Variants in PRLR observed in about 807,000 individuals in gnomAD.
The protein encoded by PRLR is prolactin receptor, also known as hPRL receptor.
In PRLR, 13 loss-of-function variants were observed where a neutral mutation model predicts 40.2. The observed-to-expected ratio is 0.32, with a 90% CI of 0.21 to 0.51. The LOEUF (loss-of-function observed/expected upper bound fraction) is 0.51. PRLR is among the 20% of genes least tolerant of loss of function. The probability of loss-of-function intolerance (pLI) is 0.97; values close to 1 mark genes in which losing one functional copy is unlikely to be tolerated. For missense variants in PRLR, 656 were observed against 747.3 expected, an observed-to-expected ratio of 0.88 and a Z score of 1.42; for synonymous variants, 269 against 278.7, an observed-to-expected ratio of 0.97 and a Z score of 0.35.
intron 1 of PRLR, among the ~76,000 whole-genome samples, chr5:35,147,445 C>G (rs557990911): frequency 1.7e-4 from 26 of 152,174 alleles, no homozygotes; most frequent in Non-Finnish European, 3.2e-4. Flanking sequence ...ACTGCATATT[C>G]ATTTCATTCA....
intron 1 of PRLR, among the ~76,000 whole-genome samples, chr5:35,218,335 T>C (rs961618791): frequency 2.6e-5 from 4 of 152,196 alleles, no homozygotes; most frequent in Non-Finnish European, 4.4e-5. Flanking sequence ...AATGAACGCA[T>C]GTTAATCTCT....
chr5:35,122,616 C>A (rs999147669), intron 1 of PRLR, among the ~76,000 whole-genome samples: 1 of 152,108 alleles, frequency 6.6e-6, no homozygotes, highest in Admixed American at 6.5e-5. Context: ...AGTCTTTAGT[C>A]CTGACAAATT....
intron 9 of PRLR, among the ~76,000 whole-genome samples, chr5:35,066,444 T>G (rs1769373675): frequency 6.6e-6 from 1 of 152,194 alleles, no homozygotes; most frequent in African/African-American, 2.4e-5. Flanking sequence ...CATCTGACAC[T>G]GCGGCCCACT....
intron 1 of PRLR, among the ~76,000 whole-genome samples, chr5:35,161,280 T>G (rs1774666108): frequency 6.6e-6 from 1 of 152,172 alleles, no homozygotes; most frequent in East Asian, 1.9e-4. Flanking sequence ...GGTCCTTACT[T>G]CCCTCCTGTA....
At chr5:35,162,223 A>G (rs1212266213) in intron 1 of PRLR, among the ~76,000 whole-genome samples, 1 of 152,220 alleles carries the variant, frequency 6.6e-6, no homozygotes, top group Non-Finnish European at 1.5e-5. Flanking sequence ...AGTGTGGCAC[A>G]CAAGAAAATC....
At chr5:35,175,296 C>T (rs913895597) in intron 1 of PRLR, among the ~76,000 whole-genome samples, 1 of 152,194 alleles carries the variant, frequency 6.6e-6, no homozygotes, top group Non-Finnish European at 1.5e-5. Flanking sequence ...TTTCCCTGCA[C>T]AAGCTCTCTC....
At chr5:35,174,336 C>T (rs992524721) in intron 1 of PRLR, among the ~76,000 whole-genome samples, 10 of 152,272 alleles carry the variant, frequency 6.6e-5, no homozygotes, top group Middle Eastern at 3.4e-3. Context: ...GCAATCCACC[C>T]GCCTCGGCCT....
intron 1 of PRLR, among the ~76,000 whole-genome samples, chr5:35,140,084 T>C (rs1773973665): frequency 6.6e-6 from 1 of 152,208 alleles, no homozygotes; most frequent in Admixed American, 6.5e-5. Flanking sequence ...AAATTAACTA[T>C]AATGCTCCAT....
intron 2 of PRLR, among the ~76,000 whole-genome samples, chr5:35,109,399 G>C (rs947650761): frequency 4.6e-5 from 7 of 152,140 alleles, no homozygotes; most frequent in Non-Finnish European, 1.0e-4. Flanking sequence ...CTTCTGCCCA[G>C]CAAAAGAAAT....
At chr5:35,051,014 C>A (rs1255623585), downstream of PRLR, among the ~76,000 whole-genome samples, 1 of 152,112 alleles carries the variant, frequency 6.6e-6, no homozygotes, top group Non-Finnish European at 1.5e-5. Flanking sequence ...GATACTGTAA[C>A]CCTTAGAATT....
At chr5:35,160,024 GA>G (rs1774629955) in intron 1 of PRLR, among the ~76,000 whole-genome samples, 1 of 152,206 alleles carries the variant, frequency 6.6e-6, no homozygotes, top group African/African-American at 2.4e-5. Flanking sequence ...CTGAGGTGTA[GA>G]AAGGAGCCAG....
At chr5:35,137,520 T>C (rs932331949) in intron 1 of PRLR, among the ~76,000 whole-genome samples, 3 of 152,202 alleles carry the variant, frequency 2.0e-5, no homozygotes, top group Non-Finnish European at 4.4e-5. Context: ...GTAAGAAAGT[T>C]CCTGTCTTAC....
intron 2 of PRLR, among the ~76,000 whole-genome samples, chr5:35,102,352 C>T (rs138071554): frequency 2.5e-4 from 38 of 152,136 alleles, no homozygotes; most frequent in African/African-American, 8.7e-4. Flanking sequence ...TTTTTATAGC[C>T]TCCTTCCCTC....
At chr5:35,129,362 T>TA (rs1245812758) in intron 1 of PRLR, among the ~76,000 whole-genome samples, 1 of 152,214 alleles carries the variant, frequency 6.6e-6, no homozygotes, top group African/African-American at 2.4e-5. Context: ...ATCCAGTTTC[T>TA]AAATATTGAG....
intron 1 of PRLR, among the ~76,000 whole-genome samples, chr5:35,229,115 T>A (rs1561376074): frequency 6.8e-6 from 1 of 147,816 alleles, no homozygotes; most frequent in African/African-American, 2.5e-5. Context: ...TATATATATA[T>A]TATATATATT....
At chr5:35,165,831 G>A (rs999228020) in intron 1 of PRLR, among the ~76,000 whole-genome samples, 1 of 152,192 alleles carries the variant, frequency 6.6e-6, no homozygotes, top group Admixed American at 6.5e-5. Context: ...ACTGTTCCAT[G>A]ACTATTTCAG....
chr5:35,157,801 A>G (rs756339992), intron 1 of PRLR, among the ~76,000 whole-genome samples: 7 of 152,250 alleles, frequency 4.6e-5, no homozygotes, highest in Non-Finnish European at 1.0e-4. Flanking sequence ...TTCATATTTG[A>G]ATACTACTTT....
rs770417434 is a variant in PRLR at position 35,068,224 on chromosome 5, G to A, written c.847C>T (p.Leu283=). The part of the protein sequence containing the change: ...GPKIKGFDAH[L]LEKGKSEELL... ...TTGCCTCCTGTACTTACCTCCAACAGATGAGCATCAAATCCTTTTATTTTT... is the reference window on the plus strand; with the variant it reads ...TTGCCTCCTGTACTTACCTCCAACAAATGAGCATCAAATCCTTTTATTTTT... The change falls in exon 9 of 10, where the codon CTG becomes TTG. Residue 283 remains leucine, a synonymous_variant. Coordinates refer to ENST00000618457, the MANE Select transcript of PRLR (RefSeq NM_000949.7). The A allele has an allele frequency of 3.7e-6, 6 of 1,611,944 alleles. No individual in the cohort carries two copies. Among genetic ancestry groups the A allele is most frequent in the Admixed American group, 1.7e-5 (1 of 60,018 alleles).
intron 5 of PRLR, among the ~76,000 whole-genome samples, chr5:35,079,647 G>A (rs1770366768): frequency 1.3e-5 from 2 of 151,240 alleles, no homozygotes; most frequent in Non-Finnish European, 3.0e-5. Context: ...GTAATTTACA[G>A]ATTCAAGCTA....
Sources: allele counts gnomAD v4.1 joint callset (sites outside exome capture counted in the v4.1 genomes callset), GRCh38; gene constraint gnomAD v4.1.1; transcripts MANE v1.5; gene names NCBI Gene and HGNC (gene_info 2026-07-23, HGNC 2026-07-21).